Variants in CTNNB1 observed in about 807,000 individuals in gnomAD.
CTNNB1 encodes catenin beta 1.
Under a neutral mutation model 82.5 loss-of-function variants are expected in CTNNB1, and 6 were observed. That is an observed-to-expected ratio of 0.07 (90% CI 0.04 to 0.14). The LOEUF is 0.14. CTNNB1 is among the 10% of genes least tolerant of loss of function. The pLI is 1.00. For synonymous variants in CTNNB1, 312 were observed against 329.7 expected (o/e 0.95, Z 0.58); for missense variants, 529 against 980.4 (o/e 0.54, Z 6.15).
intron 1 of CTNNB1, among the ~76,000 whole-genome samples, chr3:41,209,416 A>T (rs1167083496): frequency 6.6e-6 from 1 of 152,194 alleles, no homozygotes; most frequent in Non-Finnish European, 1.5e-5. Flanking sequence ...TCCGAAATGC[A>T]ATTCTGTCTT....
At chr3:41,202,951 A>G (rs140679027) in intron 1 of CTNNB1, among the ~76,000 whole-genome samples, 2 of 152,144 alleles carry the variant, frequency 1.3e-5, no homozygotes, top group African/African-American at 4.8e-5. Flanking sequence ...AAGTATGCAT[A>G]TAATTTGCTT....
intron 1 of CTNNB1, chr3:41,211,083 A>G (rs769926730): frequency 2.2e-5 from 10 of 456,420 alleles, no homozygotes; most frequent in African/African-American, 4.0e-5. Context: ...AAGAGCCACC[A>G]TGTCTGGCCC....
chr3:41,233,256 ACCT>A, intron 7 of CTNNB1, 82 bp from the exon 8 acceptor site: 1 of 1,092,984 alleles, frequency 9.1e-7, no homozygotes, highest in Non-Finnish European at 1.4e-6. Flanking sequence ...ACAGAAGGAC[ACCT>A]CCTAAGGCTA....
chr3:41,208,056 C>T (rs2077690711), intron 1 of CTNNB1, among the ~76,000 whole-genome samples: 1 of 152,178 alleles, frequency 6.6e-6, no homozygotes, highest in African/African-American at 2.4e-5. Context: ...TCACATCCTT[C>T]TTTGTTCACT....
At chr3:41,237,991 C>CCTTG in intron 13 of CTNNB1, 25 bp from the exon 14 acceptor site, 1 of 1,608,096 alleles carries the variant, frequency 6.2e-7, no homozygotes, top group Non-Finnish European at 8.5e-7. Flanking sequence ...TTCTATTCTT[C>CCTTG]CTTGCTTTGT....
At chr3:41,215,397 A>AC (rs996724455) in intron 1 of CTNNB1, among the ~76,000 whole-genome samples, 3 of 150,390 alleles carry the variant, frequency 2.0e-5, no homozygotes, top group Non-Finnish European at 4.4e-5. Context: ...AAAAAAAAAA[A>AC]AAAAAAACAC....
In CTNNB1 at chr3:41,225,126, C is replaced by T. The variant is rs1212401203; in HGVS notation, c.414C>T (p.Asn138=). Residue 138 remains asparagine, a synonymous_variant, in exon 4 of 15, where the codon AAC becomes AAT. Coordinates refer to ENST00000349496, the MANE Select transcript of CTNNB1 (RefSeq NM_001904.4). This position sits in a 1 kb window ranked among gnomAD's most constrained non-coding sequence, Gnocchi z 5.3. ...AGATGCTGAAACATGCAGTTGTAAACTTGATTAACTATCAAGATGATGCAG... is the reference window on the plus strand; with the variant it reads ...AGATGCTGAAACATGCAGTTGTAAATTTGATTAACTATCAAGATGATGCAG... ...PSQMLKHAVV[N]LINYQDDAEL... 3 of 1,614,056 alleles carry T rather than the reference C, an allele frequency of 1.9e-6. No individual in the cohort carries two copies. In the South Asian group the frequency reaches 3.3e-5, roughly 18 times the overall value.
rs34745712 is a variant in CTNNB1 at position 41,203,035 on chromosome 3, C to CTT, written c.-49+3384_-49+3385dup. On this transcript the variant is annotated intron_variant, in intron 1 of 14. Transcript: ENST00000349496. Reference sequence around the variant, plus strand: ...GGAACCCATTTTTAGGGTTTAGCCACTTTTTTTTTTTTTTTTTTTTAACTC... The same window carrying CTT: ...GGAACCCATTTTTAGGGTTTAGCCACTTTTTTTTTTTTTTTTTTTTTTAACTC... Among the ~76,000 whole-genome samples the CTT allele has an allele frequency of 7.2e-3, 988 of 136,726 alleles. 17 individuals are homozygous for CTT. Among genetic ancestry groups the CTT allele is most frequent in the African/African-American group, 0.025 (934 of 36,748 alleles). 89.7% of individuals were successfully genotyped at this position (136,726 alleles called of 152,430 possible).
At chr3:41,216,787 A>G (rs1021785117) in intron 1 of CTNNB1, among the ~76,000 whole-genome samples, 11 of 152,336 alleles carry the variant, frequency 7.2e-5, no homozygotes, top group African/African-American at 2.4e-4. Context: ...ATGCAAAAAT[A>G]TATGTACAAA....
intron 9 of CTNNB1, 29 bp from the exon 10 acceptor site, chr3:41,234,110 G>C: frequency 6.2e-7 from 1 of 1,614,078 alleles, no homozygotes; most frequent in Non-Finnish European, 8.5e-7. Context: ...TTGTTGAGTT[G>C]TATGCCAGTT....
chr3:41,205,329 C>T (rs951797493), intron 1 of CTNNB1, among the ~76,000 whole-genome samples: 1 of 152,092 alleles, frequency 6.6e-6, no homozygotes, highest in African/African-American at 2.4e-5. Context: ...TGGCAAATGG[C>T]TTTTTGGCCA....
At chr3:41,236,045 G>T in intron 11 of CTNNB1, 1 of 730,980 alleles carries the variant, frequency 1.4e-6, no homozygotes, top group South Asian at 1.8e-5. Flanking sequence ...TTTTATGGGT[G>T]CCTAGAGGGG....
intron 3 of CTNNB1, 31 bp downstream of exon 3, chr3:41,224,784 A>T (rs759321007): frequency 1.2e-5 from 20 of 1,604,478 alleles, no homozygotes; most frequent in Non-Finnish European, 1.6e-5. Flanking sequence ...TGCCTTACTG[A>T]AAGTCAGAAT....
rs1306180452 is a variant in CTNNB1 at position 41,225,213 on chromosome 3, C to A, written c.495+6C>A. The stretch of plus-strand genomic sequence containing the variant: ...TGCTAAATGACGAGGACCAGGTAAG[C>A]AATGACATAGCTAGCTTTTTAGTCT... On this transcript the variant is annotated splice_donor_region_variant and intron_variant, in intron 4 of 14. Transcript: ENST00000349496. The surrounding 1 kb of genome is among the most constrained non-coding windows in gnomAD (Gnocchi z 5.3). The A allele has an allele frequency of 6.2e-7, 1 of 1,613,958 alleles. No individual in the cohort carries two copies. Among genetic ancestry groups the A allele is most frequent in the Non-Finnish European group, 8.5e-7 (1 of 1,179,988 alleles).
intron 1 of CTNNB1, among the ~76,000 whole-genome samples, chr3:41,219,592 T>G (rs1156541069): frequency 2.6e-5 from 4 of 152,190 alleles, no homozygotes; most frequent in African/African-American, 9.7e-5. Flanking sequence ...GGGCGGGTGA[T>G]GGTATGTATG....
intron 7 of CTNNB1, among the ~76,000 whole-genome samples, chr3:41,232,426 A>G (rs2078332098): frequency 6.6e-6 from 1 of 151,724 alleles, no homozygotes; most frequent in Admixed American, 6.6e-5. Flanking sequence ...AACTTACACT[A>G]TGAAGGAGAA....
chr3:41,200,647 C>A (rs2077507273), intron 1 of CTNNB1, among the ~76,000 whole-genome samples: 1 of 152,210 alleles, frequency 6.6e-6, no homozygotes, highest in Non-Finnish European at 1.5e-5. Context: ...ATTTTTCCTT[C>A]GCTCCAAAGC....
rs1306587309 is a variant in CTNNB1, at chr3:41,236,718, A to ATG, written c.2076+12_2076+13dup. ...CAATGGCTTGGAATGAGGTAGGGAA[A>ATG]TGTGAGCAGTTATTTATCTGGTAGT... On this transcript the variant is annotated intron_variant, in intron 13 of 14. Coordinates refer to ENST00000349496, the MANE Select transcript of CTNNB1 (RefSeq NM_001904.4). 2 of 1,613,942 alleles carry ATG rather than the reference A, an allele frequency of 1.2e-6. No individual in the cohort carries two copies. The highest frequency in any genetic ancestry group is 3.3e-5 in the Admixed American group (2 of 60,006).
intron 1 of CTNNB1, among the ~76,000 whole-genome samples, chr3:41,223,076 A>G (rs1308693666): frequency 1.3e-5 from 2 of 152,056 alleles, no homozygotes. Flanking sequence ...CTCTGTCTCA[A>G]AAAAAAACAA....
Sources: allele counts gnomAD v4.1 joint callset (sites outside exome capture counted in the v4.1 genomes callset), GRCh38; gene constraint gnomAD v4.1.1; non-coding constraint Gnocchi (gnomAD v3.1); transcripts MANE v1.5; gene names NCBI Gene and HGNC (gene_info 2026-07-23, HGNC 2026-07-21).